Variants in POLR1C observed in about 807,000 individuals in gnomAD.
The protein encoded by POLR1C is DNA-directed RNA polymerases I and III subunit RPAC1.
Under a neutral mutation model 38.3 loss-of-function variants are expected in POLR1C, and 42 were observed. That is an observed-to-expected ratio of 1.10 (90% CI 0.86 to 1.42). POLR1C has a LOEUF of 1.42. Ranked by LOEUF, POLR1C falls within the 40% of genes most tolerant of loss-of-function variation. The probability of loss-of-function intolerance (pLI) is 0.00; values close to 1 mark genes in which losing one functional copy is unlikely to be tolerated. For missense variants in POLR1C, 507 were observed against 450.5 expected, an observed-to-expected ratio of 1.13 and a Z score of -1.14; for synonymous variants, 163 against 163.9, an observed-to-expected ratio of 0.99 and a Z score of 0.04.
In POLR1C at chr6:43,559,292, G is replaced by A. The variant is rs535374746; in HGVS notation, c.*49-2108G>A. 2.0e-4 allele frequency among the ~76,000 whole-genome samples: 30 copies of A among 151,986 alleles called. 1 individual carries two copies. In the South Asian group the frequency reaches 6.0e-3, roughly 31 times the overall value. ...AGCCTCGGTGACAGGGTGAGACTCC[G>A]TCTCAAAAAAAAACACAGAACACCA... On this transcript the variant is annotated intron_variant, in intron 10 of 10. Coordinates refer to the POLR1C transcript ENST00000607635.
intron 9 of POLR1C, among the ~76,000 whole-genome samples, chr6:43,537,410 G>A (rs1794406144): frequency 6.6e-6 from 1 of 152,080 alleles, no homozygotes; most frequent in Non-Finnish European, 1.5e-5. Flanking sequence ...AACTGAACTG[G>A]TATGAGGTCA....
chr6:43,524,405 T>G, downstream of POLR1C: 1 of 1,551,152 alleles, frequency 6.4e-7, no homozygotes, highest in Non-Finnish European at 8.7e-7. Flanking sequence ...ACAGCTGGTT[T>G]ATGGTTTGCC....
chr6:43,552,890 G>C (rs999679191), intron 10 of POLR1C, among the ~76,000 whole-genome samples: 2 of 152,214 alleles, frequency 1.3e-5, no homozygotes, highest in Non-Finnish European at 2.9e-5. Context: ...AGTGCTTAGA[G>C]TTAGAAAGAC....
Position 43,538,323 on chromosome 6 carries a change from A to T in POLR1C, c.*4+8964A>T, listed in dbSNP as rs28595563. Among the ~76,000 whole-genome samples the T allele has an allele frequency of 2.6e-5, 4 of 151,346 alleles. 1 individual carries two copies. The highest frequency in any genetic ancestry group is 9.7e-5 in the African/African-American group (4 of 41,288). Reference sequence around the variant, plus strand: ...CACCACCACACCTGGTTACTTTTTTAAATTTTTAGTAGAGATGGGGTTTTG... The same window carrying T: ...CACCACCACACCTGGTTACTTTTTTTAATTTTTAGTAGAGATGGGGTTTTG... On this transcript the variant is annotated intron_variant, in intron 9 of 10. Coordinates refer to the POLR1C transcript ENST00000607635.
chr6:43,517,709 A>G (rs997829891), intron 2 of POLR1C, among the ~76,000 whole-genome samples: 1 of 152,150 alleles, frequency 6.6e-6, no homozygotes, highest in Non-Finnish European at 1.5e-5. Context: ...TAACATTTCA[A>G]GAGGAGGGTA....
At chr6:43,523,770 G>C, downstream of POLR1C, 1 of 1,593,614 alleles carries the variant, frequency 6.3e-7, no homozygotes, top group Non-Finnish European at 8.6e-7. Flanking sequence ...GACAGTGGTG[G>C]AAAGTGAGGT....
At chr6:43,519,311 A>G (rs1396327727) in intron 2 of POLR1C, 22 bp from the exon 3 acceptor site, 3 of 1,422,280 alleles carry the variant, frequency 2.1e-6, no homozygotes, top group Non-Finnish European at 3.0e-6. Context: ...TTTCACTTAA[A>G]TGTTTTTTCC....
downstream of POLR1C, among the ~76,000 whole-genome samples, chr6:43,530,402 CAG>C (rs1450768355): frequency 2.0e-5 from 3 of 150,114 alleles, no homozygotes; most frequent in East Asian, 3.9e-4. Context: ...GCCTGTGCAA[CAG>C]AGTGAGCAAG....
intron 10 of POLR1C, among the ~76,000 whole-genome samples, chr6:43,554,167 C>T (rs1350097094): frequency 5.3e-5 from 8 of 152,120 alleles, no homozygotes; most frequent in Admixed American, 1.3e-4. Flanking sequence ...AGGGCAGTGG[C>T]GAGATCTCGG....
At chr6:43,550,167 T>A (rs1343631756) in intron 9 of POLR1C, among the ~76,000 whole-genome samples, 1 of 152,170 alleles carries the variant, frequency 6.6e-6, no homozygotes, top group Non-Finnish European at 1.5e-5. Context: ...TACAATAGGA[T>A]CCCAGAACAA....
At chr6:43,560,142 A>ACCTACAT in intron 10 of POLR1C, 1 of 1,603,592 alleles carries the variant, frequency 6.2e-7, no homozygotes, top group Non-Finnish European at 8.5e-7. Context: ...ATGTGTATTC[A>ACCTACAT]CCTACATTCC....
Position 43,555,893 on chromosome 6 carries a change from C to A in POLR1C, c.*48+4882C>A, listed in dbSNP as rs372441079. 24 of 1,614,008 alleles carry A rather than the reference C, an allele frequency of 1.5e-5. No individual in the cohort carries two copies. The African/African-American group carries it at 3.1e-4, about 21-fold the overall frequency. ...AGTTGATACTTTAGCCACTCCCCAG[C>A]CATCTGGAAGCTAGTTTTGGGATCC... On this transcript the variant is annotated intron_variant, in intron 10 of 10. Coordinates refer to the POLR1C transcript ENST00000607635.
At chr6:43,519,562 A>G in intron 3 of POLR1C, 122 bp downstream of exon 3, 2 of 1,436,418 alleles carry the variant, frequency 1.4e-6, no homozygotes, top group African/African-American at 1.4e-5. Flanking sequence ...TTTGCTGAGC[A>G]TTTTACCTTC....
chr6:43,548,723 T>C (rs1209721528), intron 9 of POLR1C, among the ~76,000 whole-genome samples: 3 of 150,988 alleles, frequency 2.0e-5, no homozygotes, highest in Non-Finnish European at 4.4e-5. Flanking sequence ...TTGTTTTATA[T>C]ATATATATAG....
intron 9 of POLR1C, among the ~76,000 whole-genome samples, chr6:43,534,623 T>C (rs1428993924): frequency 6.6e-6 from 1 of 152,204 alleles, no homozygotes; most frequent in East Asian, 1.9e-4. Flanking sequence ...AACAAACTGA[T>C]GGCTACACGT....
At chr6:43,522,679 T>C (rs755643183), downstream of POLR1C, 3 of 486,080 alleles carry the variant, frequency 6.2e-6, no homozygotes, top group East Asian at 1.8e-4. Flanking sequence ...CTAAAAACTG[T>C]AGCTTCAGTC....
At chr6:43,551,486 G>C (rs141689928) in intron 10 of POLR1C, 11 of 1,603,768 alleles carry the variant, frequency 6.9e-6, no homozygotes, top group Non-Finnish European at 9.4e-6. Context: ...GTTGACAATG[G>C]CTGCCTCCAC....
At chr6:43,552,611 C>T (rs1288360117) in intron 10 of POLR1C, among the ~76,000 whole-genome samples, 1 of 152,144 alleles carries the variant, frequency 6.6e-6, no homozygotes, top group East Asian at 1.9e-4. Context: ...CCTTGGCCTC[C>T]CAAAGTGCTG....
At chr6:43,547,194 GC>G (rs1795005871) in intron 9 of POLR1C, 1 of 354,556 alleles carries the variant, frequency 2.8e-6, no homozygotes, top group Non-Finnish European at 5.3e-6. Context: ...TGGGACTTGT[GC>G]CATAATGGAG....
Sources: gnomAD v4.1 joint callset for allele counts (sites outside exome capture counted in the v4.1 genomes callset) on GRCh38, gnomAD v4.1.1 for gene constraint, MANE v1.5 for transcripts, NCBI Gene and HGNC (gene_info 2026-07-23, HGNC 2026-07-21) for gene names.